NALCN: variants seen among roughly 807,000 people sequenced by gnomAD.
NALCN encodes sodium leak channel NALCN.
A neutral mutation model predicts 225.3 loss-of-function variants in NALCN; 111 were observed. The observed-to-expected ratio is 0.49, with a 90% CI of 0.42 to 0.58. NALCN has a LOEUF of 0.58. Among genes scored for constraint, NALCN ranks in the 20% least tolerant of loss-of-function variants. The pLI, the probability that NALCN is intolerant of heterozygous loss-of-function variation, is 0.00. For missense variants in NALCN, 1,378 were observed against 2,202.4 expected (o/e 0.63, Z 7.49); for synonymous variants, 764 against 769.0 (o/e 0.99, Z 0.11).
chr13:101,322,102 A>G (rs1566574326), intron 7 of NALCN, among the ~76,000 whole-genome samples: 3 of 152,276 alleles, frequency 2.0e-5, no homozygotes, highest in Admixed American at 6.5e-5. Flanking sequence ...TTTCTAATGA[A>G]TTTCTCCTTT....
intron 13 of NALCN, among the ~76,000 whole-genome samples, chr13:101,214,002 A>G (rs1392119754): frequency 1.3e-5 from 2 of 152,230 alleles, no homozygotes; most frequent in Non-Finnish European, 2.9e-5. Context: ...ACGTATGTTT[A>G]TTGTGGCACT....
intron 28 of NALCN, among the ~76,000 whole-genome samples, chr13:101,094,591 A>G (rs1392913241): frequency 6.6e-6 from 1 of 152,102 alleles, no homozygotes; most frequent in African/African-American, 2.4e-5. Flanking sequence ...CAGTGGGGCC[A>G]GGATATTCTC....
chr13:101,385,438 A>AT (rs1024485887), intron 3 of NALCN, among the ~76,000 whole-genome samples: 2 of 149,582 alleles, frequency 1.3e-5, no homozygotes, highest in African/African-American at 2.5e-5. Flanking sequence ...AAGCCCTTTC[A>AT]TAAAAAAAAA....
At position 101,145,587 on chromosome 13, in the gene NALCN, A is replaced by T. The variant is rs2037306957; in HGVS notation, c.1840-691T>A. Among the ~76,000 whole-genome samples the T allele has an allele frequency of 2.0e-5, 3 of 152,220 alleles. No individual in the cohort carries two copies. In the South Asian group the frequency reaches 6.2e-4, roughly 31 times the overall value. On this transcript the variant is annotated intron_variant, in intron 15 of 43. Transcript: ENST00000251127. Reference sequence around the variant, plus strand: ...CAGGGAAGCTCAGGTTTAACATCATAAACTGGAACAAGGCTGAACTAAGAT... The same window carrying T: ...CAGGGAAGCTCAGGTTTAACATCATTAACTGGAACAAGGCTGAACTAAGAT...
chr13:101,335,621 C>T (rs1018619616), intron 7 of NALCN, among the ~76,000 whole-genome samples: 1 of 151,882 alleles, frequency 6.6e-6, no homozygotes, highest in African/African-American at 2.4e-5. Flanking sequence ...GTTCTCTCTT[C>T]CATATGTGTT....
chr13:101,144,630 G>A, intron 16 of NALCN, 130 bp downstream of exon 16: 1 of 804,444 alleles, frequency 1.2e-6, no homozygotes, highest in South Asian at 2.2e-5. Flanking sequence ...GGTAGAGGTA[G>A]TAGAAAGATG....
intron 32 of NALCN, 97 bp downstream of exon 32, chr13:101,082,995 G>C: frequency 6.5e-7 from 1 of 1,547,640 alleles, no homozygotes; most frequent in Non-Finnish European, 8.9e-7. Flanking sequence ...TTACACCCAA[G>C]AACATAACCG....
intron 7 of NALCN, among the ~76,000 whole-genome samples, chr13:101,338,155 C>T (rs572426983): frequency 2.6e-5 from 4 of 152,280 alleles, no homozygotes; most frequent in African/African-American, 7.2e-5. Context: ...GCTTTACCTT[C>T]GACTTTTGAA....
At chr13:101,387,491 T>C (rs1031588766) in intron 3 of NALCN, among the ~76,000 whole-genome samples, 2 of 152,218 alleles carry the variant, frequency 1.3e-5, no homozygotes, top group African/African-American at 4.8e-5. Flanking sequence ...ATAGAACATG[T>C]ATATTCATAA....
At chr13:101,281,963 C>T (rs1487876962) in intron 10 of NALCN, among the ~76,000 whole-genome samples, 1 of 152,116 alleles carries the variant, frequency 6.6e-6, no homozygotes, top group African/African-American at 2.4e-5. Flanking sequence ...TGAGATATCA[C>T]CTCATATCTG....
Position 101,373,956 on chromosome 13 carries a change from C to A in NALCN, c.644+2744G>T, listed in dbSNP as rs547216946. ...AAGATTTTTATATTCACCAAAATCT[C>A]AATAAAGTGGTTAAAGTAGAGACAT... On this transcript the variant is annotated intron_variant, in intron 6 of 43. Transcript: ENST00000251127. Among the ~76,000 whole-genome samples the A allele has an allele frequency of 2.1e-3, 315 of 152,026 alleles. 1 individual carries two copies. Among genetic ancestry groups the A allele is most frequent in the African/African-American group, 7.2e-3 (299 of 41,464 alleles).
intron 6 of NALCN, among the ~76,000 whole-genome samples, chr13:101,360,161 T>C (rs1250230259): frequency 9.4e-5 from 14 of 148,618 alleles, no homozygotes; most frequent in Non-Finnish European, 1.9e-4. Flanking sequence ...TCTTTCTTTC[T>C]TTCTCTTTCT....
At chr13:101,135,299 CAA>C (rs959375826) in intron 17 of NALCN, among the ~76,000 whole-genome samples, 31 of 152,200 alleles carry the variant, frequency 2.0e-4, no homozygotes, top group Admixed American at 9.2e-4. Flanking sequence ...AACAGGAAGG[CAA>C]AGATTGGAAA....
At chr13:101,101,655 G>A (rs1179443022) in intron 26 of NALCN, among the ~76,000 whole-genome samples, 1 of 152,150 alleles carries the variant, frequency 6.6e-6, no homozygotes, top group Non-Finnish European at 1.5e-5. Flanking sequence ...GTGAAGGTGT[G>A]CGTTAGGAGA....
At chr13:101,171,289 T>C (rs191993009) in intron 15 of NALCN, among the ~76,000 whole-genome samples, 259 of 148,816 alleles carry the variant, frequency 1.7e-3, no homozygotes, top group Middle Eastern at 7.1e-3. Flanking sequence ...TATTTATAAA[T>C]ATAATCTTTA....
chr13:101,074,449 T>G, intron 36 of NALCN, 65 bp downstream of exon 36: 1 of 1,398,392 alleles, frequency 7.2e-7, no homozygotes. Flanking sequence ...AACATTTGTT[T>G]ATTTAAAATT....
In NALCN at chr13:101,149,027, C is replaced by T. The variant is rs529875605; in HGVS notation, c.1840-4131G>A. On this transcript the variant is annotated intron_variant, in intron 15 of 43. Transcript: ENST00000251127. The stretch of plus-strand genomic sequence containing the variant: ...AAATTTTGTAGGCTGGGCGCAGTGG[C>T]TCACGCCTGTAATCCCAGTACTTTG... 4.1e-4 allele frequency among the ~76,000 whole-genome samples: 62 copies of T among 152,336 alleles called. No individual in the cohort carries two copies. In the East Asian group the frequency reaches 0.011, roughly 27 times the overall value.
At chr13:101,403,602 A>G (rs989373033) in intron 1 of NALCN, among the ~76,000 whole-genome samples, 38 of 152,254 alleles carry the variant, frequency 2.5e-4, no homozygotes, top group African/African-American at 8.7e-4. Context: ...GAAAGCATCT[A>G]TTTCATTCTA....
intron 12 of NALCN, among the ~76,000 whole-genome samples, chr13:101,233,586 CGCCTCG>C (rs2041436933): frequency 6.6e-6 from 1 of 151,904 alleles, no homozygotes; most frequent in Non-Finnish European, 1.5e-5. Flanking sequence ...GTGATCCACC[CGCCTCG>C]GCCTCCCAAA....
Sources: gnomAD v4.1 joint callset for allele counts (sites outside exome capture counted in the v4.1 genomes callset) on GRCh38, gnomAD v4.1.1 for gene constraint, MANE v1.5 for transcripts, NCBI Gene and HGNC (gene_info 2026-07-23, HGNC 2026-07-21) for gene names.